The following GRM7 variants were observed in gnomAD, a reference collection of about 807,000 sequenced individuals.
The protein encoded by GRM7 is glutamate metabotropic receptor 7, also known as metabotropic glutamate receptor 7.
A neutral mutation model predicts 84.5 loss-of-function variants in GRM7; 35 were observed. That is an observed-to-expected ratio of 0.41 (90% CI 0.32 to 0.55). The LOEUF is 0.55. Ranked by LOEUF, GRM7 falls within the 20% of genes least tolerant of loss-of-function variation. GRM7 has a pLI of 0.19. For missense variants in GRM7, 1,003 were observed against 1,194.6 expected, an observed-to-expected ratio of 0.84 and a Z score of 2.36; for synonymous variants, 487 against 455.1, an observed-to-expected ratio of 1.07 and a Z score of -0.89.
intron 8 of GRM7, among the ~76,000 whole-genome samples, chr3:7,669,846 C>G (rs1353278464): frequency 6.6e-6 from 1 of 152,162 alleles, no homozygotes; most frequent in Non-Finnish European, 1.5e-5. Context: ...ATTTTCCTGC[C>G]CAATCTCAAA....
At chr3:7,080,576 T>C (rs1184748164) in intron 1 of GRM7, among the ~76,000 whole-genome samples, 2 of 152,012 alleles carry the variant, frequency 1.3e-5, no homozygotes, top group African/African-American at 4.8e-5. Context: ...TCTTATATAC[T>C]GTATTCTTCT....
chr3:7,220,365 T>A (rs1263442605), intron 2 of GRM7, among the ~76,000 whole-genome samples: 1 of 152,204 alleles, frequency 6.6e-6, no homozygotes, highest in Non-Finnish European at 1.5e-5. Context: ...GCATAGCACT[T>A]TATTCTGTGT....
chr3:7,211,889 G>T (rs1390905127), intron 2 of GRM7, among the ~76,000 whole-genome samples: 1 of 151,570 alleles, frequency 6.6e-6, no homozygotes, highest in Non-Finnish European at 1.5e-5. Flanking sequence ...TTTCACTTTT[G>T]ACTTCCCCGA....
At chr3:7,113,928 C>T (rs1296428084) in intron 1 of GRM7, among the ~76,000 whole-genome samples, 1 of 152,122 alleles carries the variant, frequency 6.6e-6, no homozygotes, top group Non-Finnish European at 1.5e-5. Context: ...TAAATTATCT[C>T]ATTTTGTAGA....
intron 2 of GRM7, among the ~76,000 whole-genome samples, chr3:7,226,869 G>A (rs889398499): frequency 3.9e-5 from 6 of 151,982 alleles, no homozygotes; most frequent in African/African-American, 9.7e-5. Flanking sequence ...TTATTATTTC[G>A]TTACAAACAT....
At chr3:7,400,249 G>T (rs997489068) in intron 4 of GRM7, among the ~76,000 whole-genome samples, 1 of 152,132 alleles carries the variant, frequency 6.6e-6, no homozygotes, top group Admixed American at 6.5e-5. Context: ...TCCAAGTGTT[G>T]TAAGGATTAT....
At position 7,057,753 on chromosome 3, in the gene GRM7, T is replaced by G. The variant is rs112301259; in HGVS notation, c.520-88699T>G. Reference sequence around the variant, plus strand: ...GCTCAATGTTTTAGGATGGGTGAGGTAGTTTAATGCTTGTGACTACCTTGG... The same window carrying G: ...GCTCAATGTTTTAGGATGGGTGAGGGAGTTTAATGCTTGTGACTACCTTGG... On this transcript the variant is annotated intron_variant, in intron 1 of 9. Transcript: ENST00000357716. Among the ~76,000 whole-genome samples the G allele has an allele frequency of 6.2e-3, 950 of 152,034 alleles. 4 individuals carry two copies. The highest frequency in any genetic ancestry group is 0.014 in the Middle Eastern group (4 of 294).
intron 1 of GRM7, among the ~76,000 whole-genome samples, chr3:7,036,621 C>T (rs111455621): frequency 6.6e-6 from 1 of 151,994 alleles, no homozygotes; most frequent in Non-Finnish European, 1.5e-5. Context: ...TTTTATTTCA[C>T]GTGGGTTTTT....
chr3:7,277,501 A>C (rs1310848408), intron 2 of GRM7, among the ~76,000 whole-genome samples: 1 of 152,072 alleles, frequency 6.6e-6, no homozygotes, highest in Non-Finnish European at 1.5e-5. Context: ...TGCTCAGATA[A>C]ATGAAAGAAA....
chr3:7,717,769 G>A (rs575181911), intron 9 of GRM7, among the ~76,000 whole-genome samples: 2 of 152,298 alleles, frequency 1.3e-5, no homozygotes, highest in East Asian at 1.9e-4. Flanking sequence ...AGGCAGGGAG[G>A]AAGGAGAGAG....
At chr3:7,483,012 T>C (rs1413585657) in intron 7 of GRM7, among the ~76,000 whole-genome samples, 1 of 152,172 alleles carries the variant, frequency 6.6e-6, no homozygotes, top group African/African-American at 2.4e-5. Context: ...AAGCTGTGTG[T>C]TTTTCTGGAA....
At chr3:7,552,893 T>C (rs558224754) in intron 7 of GRM7, among the ~76,000 whole-genome samples, 2 of 152,374 alleles carry the variant, frequency 1.3e-5, no homozygotes, top group Admixed American at 1.3e-4. Flanking sequence ...TTCTAGTTAC[T>C]TATGCAAATT....
chr3:6,935,533 C>G (rs1232766252), intron 1 of GRM7, among the ~76,000 whole-genome samples: 2 of 151,832 alleles, frequency 1.3e-5, no homozygotes, highest in Non-Finnish European at 2.9e-5. Context: ...TAAATTCACC[C>G]TTTTTACCTG....
At chr3:7,642,220 A>G (rs1698396501) in intron 8 of GRM7, among the ~76,000 whole-genome samples, 1 of 152,172 alleles carries the variant, frequency 6.6e-6, no homozygotes, top group Admixed American at 6.5e-5. Context: ...CGGAGCTACC[A>G]ACATACCTTG....
rs1437771326 is a variant in GRM7, at chr3:7,680,468, A to G, written c.2698+173A>G. On this transcript the variant is annotated intron_variant, in intron 9 of 9. Transcript: ENST00000357716. ...TTGAGTTTGACTCATTCCTGCCACC[A>G]TTTTCTTTTTGTTCCTTGTTGGAAA... is the stretch of plus-strand genomic sequence containing the variant. 4.7e-6 allele frequency: 3 copies of G among 634,746 alleles called. No individual in the cohort carries two copies. The African/African-American group carries it at 5.5e-5, about 12-fold the overall frequency. 39.3% of individuals were successfully genotyped at this position (634,746 alleles called of 1,614,324 possible). A position where few individuals can be genotyped will look rare whatever the true frequency, so the allele number is the denominator to read the frequency against.
At chr3:7,017,608 T>C (rs1317662903) in intron 1 of GRM7, among the ~76,000 whole-genome samples, 2 of 152,216 alleles carry the variant, frequency 1.3e-5, no homozygotes, top group African/African-American at 4.8e-5. Flanking sequence ...TAAGTTGTGC[T>C]GGTGATTCTC....
intron 1 of GRM7, among the ~76,000 whole-genome samples, chr3:7,111,835 T>G (rs1226303037): frequency 6.6e-6 from 1 of 152,158 alleles, no homozygotes; most frequent in Non-Finnish European, 1.5e-5. Context: ...CTCATTTCTT[T>G]TTCTCCAAAG....
At chr3:7,197,655 CTAAG>C (rs1434478527) in intron 2 of GRM7, among the ~76,000 whole-genome samples, 9 of 151,574 alleles carry the variant, frequency 5.9e-5, no homozygotes. Context: ...TAGATTTCTC[CTAAG>C]TGAGTTAACA....
intron 4 of GRM7, among the ~76,000 whole-genome samples, chr3:7,326,783 G>A (rs1191120458): frequency 6.7e-6 from 1 of 149,816 alleles, no homozygotes; most frequent in East Asian, 2.0e-4. Flanking sequence ...GCAGTGAGCC[G>A]AGATCACGCC....
Sources: allele counts gnomAD v4.1 joint callset (sites outside exome capture counted in the v4.1 genomes callset), GRCh38; gene constraint gnomAD v4.1.1; transcripts MANE v1.5; gene names NCBI Gene and HGNC (gene_info 2026-07-23, HGNC 2026-07-21).